Variants in EPB41L4A observed in about 807,000 individuals in gnomAD.
EPB41L4A encodes erythrocyte membrane protein band 4.1 like 4A.
Under a neutral mutation model 108.6 loss-of-function variants are expected in EPB41L4A, and 100 were observed. That is an observed-to-expected ratio of 0.92 (90% CI 0.78 to 1.09). The LOEUF (loss-of-function observed/expected upper bound fraction) is 1.09, where lower values mean the gene tolerates loss of function less well. EPB41L4A is among the 50% of genes least tolerant of loss of function. The pLI is 0.00. For synonymous variants in EPB41L4A, 319 were observed against 289.0 expected, an observed-to-expected ratio of 1.10 and a Z score of -1.05; for missense variants, 1,030 against 842.7, an observed-to-expected ratio of 1.22 and a Z score of -2.75.
intron 1 of EPB41L4A, among the ~76,000 whole-genome samples, chr5:112,370,336 C>G (rs939048783): frequency 2.6e-5 from 4 of 151,776 alleles, no homozygotes; most frequent in African/African-American, 9.7e-5. Flanking sequence ...CACATATGAC[C>G]AAATTACTCA....
At chr5:112,367,243 C>G (rs555572571) in intron 1 of EPB41L4A, among the ~76,000 whole-genome samples, 2 of 152,266 alleles carry the variant, frequency 1.3e-5, no homozygotes, top group East Asian at 3.9e-4. Context: ...TCATCTTGCC[C>G]AATACTTTGT....
chr5:112,177,378 G>A (rs1423725299), intron 18 of EPB41L4A, among the ~76,000 whole-genome samples: 1 of 152,180 alleles, frequency 6.6e-6, no homozygotes, highest in African/African-American at 2.4e-5. Flanking sequence ...AGAAACTTAT[G>A]ATTACTTTGG....
rs1480808264 is a variant in EPB41L4A, at chr5:112,366,736, T to C, written c.99+52205A>G. 2.0e-5 allele frequency among the ~76,000 whole-genome samples: 3 copies of C among 152,142 alleles called. No individual in the cohort carries two copies. In the East Asian group the frequency reaches 5.8e-4, roughly 29 times the overall value. ...TCTCAAGGCACAGAGCAGCATGGGTTAGGATGGACAATACAACCAGGGGGA... is the reference window on the plus strand; with the variant it reads ...TCTCAAGGCACAGAGCAGCATGGGTCAGGATGGACAATACAACCAGGGGGA... On this transcript the variant is annotated intron_variant, in intron 1 of 22. Coordinates refer to ENST00000261486, the MANE Select transcript of EPB41L4A (RefSeq NM_022140.5).
chr5:112,149,835 T>C (rs182862378), intron 12 of EPB41L4A, among the ~76,000 whole-genome samples: 117 of 152,320 alleles, frequency 7.7e-4, no homozygotes, highest in African/African-American at 2.6e-3. Context: ...GGAGCTGGGA[T>C]TTGCCTGGGA....
chr5:112,153,424 G>A (rs537908794), intron 12 of EPB41L4A, among the ~76,000 whole-genome samples: 3 of 151,638 alleles, frequency 2.0e-5, no homozygotes, highest in African/African-American at 4.8e-5. Context: ...AGCTACTCGG[G>A]AGGCTGAGGC....
At chr5:112,353,585 G>T (rs1008851858) in intron 1 of EPB41L4A, among the ~76,000 whole-genome samples, 3 of 152,138 alleles carry the variant, frequency 2.0e-5, no homozygotes, top group Non-Finnish European at 4.4e-5. Flanking sequence ...CCTGTGGGAG[G>T]TGTGTACAAA....
At chr5:112,143,653 T>A (rs1049035197) in exon 14 of EPB41L4A, 1 of 241,338 alleles carries the variant, frequency 4.1e-6, no homozygotes, top group African/African-American at 2.3e-5. Flanking sequence ...CTACAAGAGA[T>A]AAAGTCAGCC....
At chr5:112,151,428 GAC>G (rs1759463355) in intron 12 of EPB41L4A, among the ~76,000 whole-genome samples, 1 of 150,504 alleles carries the variant, frequency 6.6e-6, no homozygotes, top group African/African-American at 2.4e-5. Flanking sequence ...TTATTTTTGA[GAC>G]AGAGTCCTGT....
chr5:112,392,217 C>T lies in EPB41L4A; in HGVS notation c.99+26724G>A, dbSNP rs941279097. ...TCATAATGACAGAATCAAATTCACA[C>T]ATAACAATATTAACCTTAAATGTAA... On this transcript the variant is annotated intron_variant, in intron 1 of 22. Coordinates refer to ENST00000261486, the MANE Select transcript of EPB41L4A (RefSeq NM_022140.5). Among the ~76,000 whole-genome samples the T allele has an allele frequency of 1.1e-4, 16 of 152,102 alleles. No individual in the cohort carries two copies. The East Asian group carries it at 2.7e-3, about 26-fold the overall frequency.
chr5:112,265,871 A>G (rs1220004940), intron 5 of EPB41L4A, among the ~76,000 whole-genome samples: 1 of 152,224 alleles, frequency 6.6e-6, no homozygotes. Context: ...TCTTCACAAC[A>G]GCAATGCAGG....
downstream of EPB41L4A, chr5:112,161,306 A>T (rs1252958617): frequency 2.8e-6 from 1 of 352,648 alleles, no homozygotes; most frequent in East Asian, 7.6e-5. Context: ...GTGAGTTTTC[A>T]CGTTCGTGCA....
In EPB41L4A at chr5:112,307,494, C is replaced by T. The variant is rs749359417; in HGVS notation, c.100-4G>A. ...CAACGGAACCTTTCGTTGACTTCTG[C>T]AAAAATAATTCAGTTTTATATTTTT... On this transcript the variant is annotated splice_polypyrimidine_tract_variant and splice_region_variant and intron_variant, in intron 1 of 22. Coordinates refer to ENST00000261486, the MANE Select transcript of EPB41L4A (RefSeq NM_022140.5). 1.2e-6 allele frequency: 2 copies of T among 1,602,488 alleles called. No individual in the cohort carries two copies. Among genetic ancestry groups the T allele is most frequent in the Non-Finnish European group, 1.7e-6 (2 of 1,170,090 alleles).
At chr5:112,326,147 C>T (rs1228967376) in intron 1 of EPB41L4A, among the ~76,000 whole-genome samples, 1 of 152,134 alleles carries the variant, frequency 6.6e-6, no homozygotes, top group Non-Finnish European at 1.5e-5. Context: ...GAGACTCCAT[C>T]TCTTAAAAAA....
intron 1 of EPB41L4A, among the ~76,000 whole-genome samples, chr5:112,412,578 C>T (rs896768771): frequency 6.6e-6 from 1 of 152,176 alleles, no homozygotes; most frequent in Non-Finnish European, 1.5e-5. Context: ...CTGAATTTAG[C>T]ACACTGAGTC....
At chr5:112,213,595 C>T (rs528834704) in intron 12 of EPB41L4A, among the ~76,000 whole-genome samples, 13 of 152,184 alleles carry the variant, frequency 8.5e-5, no homozygotes, top group East Asian at 3.9e-4. Flanking sequence ...GTTATCTGCC[C>T]GCATCACCTC....
At chr5:112,169,220 A>G (rs1447543823) in intron 20 of EPB41L4A, 115 bp from the exon 21 acceptor site, 2 of 740,202 alleles carry the variant, frequency 2.7e-6, no homozygotes, top group Admixed American at 2.3e-5. Flanking sequence ...TTTAAAAAGA[A>G]CTTGACTCCT....
intron 10 of EPB41L4A, 82 bp downstream of exon 10, chr5:112,240,637 G>A (rs529304169): frequency 1.3e-6 from 1 of 770,710 alleles, no homozygotes; most frequent in Non-Finnish European, 2.1e-6. Flanking sequence ...CCAAATTTCT[G>A]TTTTAGACAG....
At chr5:112,176,439 C>T (rs916048175) in intron 18 of EPB41L4A, among the ~76,000 whole-genome samples, 1 of 152,148 alleles carries the variant, frequency 6.6e-6, no homozygotes, top group Admixed American at 6.5e-5. Flanking sequence ...TCAAACCTAA[C>T]AAAGAGAAAT....
intron 12 of EPB41L4A, among the ~76,000 whole-genome samples, chr5:112,151,959 T>A (rs924195224): frequency 2.0e-5 from 3 of 152,176 alleles, no homozygotes; most frequent in African/African-American, 7.2e-5. Flanking sequence ...CTTGAATTCC[T>A]GACCTCAAGT....
Sources: gnomAD v4.1 joint callset for allele counts (sites outside exome capture counted in the v4.1 genomes callset) on GRCh38, gnomAD v4.1.1 for gene constraint, MANE v1.5 for transcripts, NCBI Gene and HGNC (gene_info 2026-07-23, HGNC 2026-07-21) for gene names.